MBNL3: variants seen among roughly 807,000 people sequenced by gnomAD.
MBNL3 encodes the protein muscleblind like splicing regulator 3, also known as muscleblind-like protein 3.
In MBNL3, 6 loss-of-function variants were observed where a neutral mutation model predicts 24.5. That is an observed-to-expected ratio of 0.25 (90% confidence interval 0.13 to 0.48). The LOEUF (loss-of-function observed/expected upper bound fraction) is 0.48, where lower values mean the gene tolerates loss of function less well. Ranked by LOEUF, MBNL3 falls within the 20% of genes least tolerant of loss-of-function variation. MBNL3 has a pLI of 0.99. For synonymous variants in MBNL3, 100 were observed against 101.7 expected (o/e 0.98, Z 0.10); for missense variants, 230 against 293.5 (o/e 0.78, Z 1.58).
chrX:132,386,951 C>T, intron 5 of MBNL3, 140 bp from the exon 6 acceptor site: 1 of 670,958 alleles, frequency 1.5e-6, no homozygotes. Context: ...AGCAGTGGCC[C>T]CACAGCAAGG....
intron 2 of MBNL3, among the ~76,000 whole-genome samples, chrX:132,422,329 A>C (rs1943901411): frequency 1.8e-5 from 2 of 111,819 alleles, no homozygotes; most frequent in African/African-American, 6.5e-5. Context: ...TTTGGGTTCC[A>C]CACATTTAGA....
At position 132,439,702 on chromosome X, in the gene MBNL3, C is replaced by T. The variant is rs1031936267; in HGVS notation, c.-91G>A. Reference sequence around the variant, plus strand: ...ATTAAAAATGAATTCAAACTAAGTGCGAAGAGATAACAGGTTGCTTTGGTG... The same window carrying T: ...ATTAAAAATGAATTCAAACTAAGTGTGAAGAGATAACAGGTTGCTTTGGTG... On this transcript the variant is annotated 5_prime_UTR_variant, in exon 2 of 9. Coordinates refer to ENST00000370853, the MANE Select transcript of MBNL3 (RefSeq NM_001386889.1). 8.2e-5 allele frequency: 86 copies of T among 1,050,073 alleles called. No individual in the cohort carries two copies. The highest frequency in any genetic ancestry group is 1.4e-4 in the African/African-American group (7 of 51,327). The allele number at this position is 1,050,073 out of a possible 1,213,427, so 86.5% of individuals were successfully genotyped here. A position where few individuals can be genotyped will look rare whatever the true frequency, so the allele number is the denominator to read the frequency against.
chrX:132,469,891 C>T (rs1321165362), intron 1 of MBNL3, among the ~76,000 whole-genome samples: 1 of 111,890 alleles, frequency 8.9e-6, no homozygotes, highest in Non-Finnish European at 1.9e-5. Flanking sequence ...CCCTAAGCAG[C>T]CACTAACACT....
intron 1 of MBNL3, among the ~76,000 whole-genome samples, chrX:132,448,878 T>C (rs1378954827): frequency 8.9e-6 from 1 of 112,053 alleles, no homozygotes; most frequent in Non-Finnish European, 1.9e-5. Flanking sequence ...TATTTATGTC[T>C]GCTTTAATTT....
At chrX:132,404,537 A>G (rs1312098607) in intron 3 of MBNL3, among the ~76,000 whole-genome samples, 1 of 112,375 alleles carries the variant, frequency 8.9e-6, no homozygotes, top group Admixed American at 9.4e-5. Flanking sequence ...ATTTACCAAC[A>G]TAATTAATCT....
chrX:132,409,900 A>C (rs1327383160), intron 2 of MBNL3, among the ~76,000 whole-genome samples: 2 of 111,704 alleles, frequency 1.8e-5, no homozygotes, highest in Non-Finnish European at 3.8e-5. Flanking sequence ...CTGGTCTTTC[A>C]CTGTGTTACT....
At chrX:132,394,793 C>G (rs1406672452) in intron 3 of MBNL3, among the ~76,000 whole-genome samples, 1 of 111,361 alleles carries the variant, frequency 9.0e-6, no homozygotes, top group Non-Finnish European at 1.9e-5. Context: ...AGGTGACTCA[C>G]CAGGGAAATT....
Position 132,392,234 on chromosome X carries a change from A to G in MBNL3, c.443T>C (p.Val148Ala). ...AGGAATCAGAACAGGTGTATTTGGT[A>G]CAAGTTCTGCAGGAACGAGGCCCAT... is the stretch of plus-strand genomic sequence containing the variant. ...PGMGLVPAEL[V>A]PNTPVLIPGN... The change falls in exon 4 of 9, where the codon GTA becomes GCA. Residue 148 changes from valine (V) to alanine (A), a missense_variant. By Grantham distance (64) the Val-to-Ala change is moderately conservative. Transcript: ENST00000370853. 8.3e-7 allele frequency: 1 copy of G among 1,210,925 alleles called. No individual in the cohort carries two copies. The highest frequency in any genetic ancestry group is 1.8e-5 in the South Asian group (1 of 56,905).
At chrX:132,434,271 G>A (rs188784975) in intron 2 of MBNL3, among the ~76,000 whole-genome samples, 21 of 112,112 alleles carry the variant, frequency 1.9e-4, no homozygotes, top group Non-Finnish European at 3.6e-4. Context: ...GCTTGTTGCT[G>A]CTATTTTCTC....
intron 1 of MBNL3, among the ~76,000 whole-genome samples, chrX:132,461,654 A>G (rs1254986703): frequency 9.0e-6 from 1 of 111,626 alleles, no homozygotes; most frequent in Non-Finnish European, 1.9e-5. Flanking sequence ...TAAAATGACA[A>G]GCTTTGCCCT....
At chrX:132,469,835 A>G (rs1947082888) in intron 1 of MBNL3, among the ~76,000 whole-genome samples, 1 of 111,032 alleles carries the variant, frequency 9.0e-6, no homozygotes, top group Non-Finnish European at 1.9e-5. Context: ...TTACTCCCCC[A>G]CCAAAGAAAC....
At chrX:132,394,277 C>T (rs987480395) in intron 3 of MBNL3, among the ~76,000 whole-genome samples, 2 of 111,760 alleles carry the variant, frequency 1.8e-5, no homozygotes, top group Admixed American at 1.9e-4. Context: ...ATACGGGATA[C>T]TTGTCATGGA....
chrX:132,373,209 C>T lies in MBNL3; in HGVS notation c.*6457G>A, dbSNP rs896786619. 1 of 111,317 alleles carries T rather than the reference C, an allele frequency of 9.0e-6. No homozygotes were observed. Among genetic ancestry groups the T allele is most frequent in the Admixed American group, 9.6e-5 (1 of 10,449 alleles). 9.2% of individuals were successfully genotyped at this position (111,317 alleles called of 1,213,427 possible). On this transcript the variant is annotated 3_prime_UTR_variant, in exon 9 of 9. Coordinates refer to ENST00000370853, the MANE Select transcript of MBNL3 (RefSeq NM_001386889.1). ...TGTGATGCTTCTACAGTTATTCCTA[C>T]TAATTTATAGGTGATTTTTCCTGAC...
At chrX:132,383,662 G>A (rs930705297) in intron 7 of MBNL3, among the ~76,000 whole-genome samples, 1 of 112,004 alleles carries the variant, frequency 8.9e-6, no homozygotes, top group South Asian at 3.7e-4. Flanking sequence ...AGTAACAGGG[G>A]CCTCACTTCC....
chrX:132,483,323 T>C (rs1004025063), intron 1 of MBNL3, among the ~76,000 whole-genome samples: 3 of 112,205 alleles, frequency 2.7e-5, no homozygotes, highest in Non-Finnish European at 5.6e-5. Flanking sequence ...ATGGGTCTTG[T>C]TGAATTTGTC....
At position 132,371,428 on chromosome X, in the gene MBNL3, T is replaced by TA. The variant is rs1407573375; in HGVS notation, c.*8237dup. On this transcript the variant is annotated 3_prime_UTR_variant, in exon 9 of 9. Transcript: ENST00000370853. ...TATTACTAAATTACATTTACTTTCT[T>TA]AAAGAACAAAAATGATCATCCTTTT... 3 of 112,333 alleles carry TA rather than the reference T, an allele frequency of 2.7e-5. No homozygotes were observed. Among genetic ancestry groups the TA allele is most frequent in the Non-Finnish European group, 5.6e-5 (3 of 53,224 alleles). 9.3% of individuals were successfully genotyped at this position (112,333 alleles called of 1,213,427 possible). A position where few individuals can be genotyped will look rare whatever the true frequency, so the allele number is the denominator to read the frequency against.
intron 1 of MBNL3, among the ~76,000 whole-genome samples, chrX:132,467,189 A>G (rs1247451265): frequency 9.0e-6 from 1 of 111,688 alleles, no homozygotes; most frequent in East Asian, 2.8e-4. Flanking sequence ...CCAGGAAGCC[A>G]ACTAGGAGAA....
chrX:132,459,271 T>C (rs1462489656), intron 1 of MBNL3, among the ~76,000 whole-genome samples: 1 of 110,213 alleles, frequency 9.1e-6, no homozygotes, highest in Non-Finnish European at 1.9e-5. Flanking sequence ...TATTAAGTAT[T>C]AGTACAAGGC....
intron 2 of MBNL3, among the ~76,000 whole-genome samples, chrX:132,438,439 A>G (rs764481973): frequency 1.8e-5 from 2 of 111,395 alleles, no homozygotes; most frequent in Non-Finnish European, 3.8e-5. Context: ...AGCCATAAAT[A>G]AAAATGTTAA....
Sources: allele counts gnomAD v4.1 joint callset (sites outside exome capture counted in the v4.1 genomes callset), GRCh38; gene constraint gnomAD v4.1.1; transcripts MANE v1.5; gene names NCBI Gene and HGNC (gene_info 2026-07-23, HGNC 2026-07-21).